The following SLC9C2 variants were observed in gnomAD, a reference collection of about 807,000 sequenced individuals.
SLC9C2 encodes solute carrier family 9 member C2 (putative).
In SLC9C2, 75 loss-of-function variants were observed where a neutral mutation model predicts 140.2. The ratio of observed to expected loss-of-function variants is 0.53; its 90% confidence interval spans 0.44 to 0.65. The LOEUF is 0.65. Among genes scored for constraint, SLC9C2 ranks in the 30% least tolerant of loss-of-function variants. The probability of loss-of-function intolerance (pLI) is 0.00; values close to 1 mark genes in which losing one functional copy is unlikely to be tolerated. For missense variants in SLC9C2, 1,074 were observed against 1,331.8 expected (o/e 0.81, Z 3.01); for synonymous variants, 375 against 420.9 (o/e 0.89, Z 1.34).
chr1:173,507,508 GCACA>G (rs148480049), intron 24 of SLC9C2, among the ~76,000 whole-genome samples: 1,341 of 128,172 alleles, frequency 0.01, 20 homozygotes, highest in African/African-American at 0.033. Context: ...GTTGAATTGT[GCACA>G]CACACACACA....
intron 14 of SLC9C2, 47 bp downstream of exon 14, chr1:173,536,895 T>G: frequency 7.9e-7 from 1 of 1,268,698 alleles, no homozygotes; most frequent in South Asian, 1.2e-5. Context: ...CTTCATCATA[T>G]AGTCATTCAA....
chr1:173,517,561 G>A lies in SLC9C2; in HGVS notation c.2883C>T (p.Thr961=), dbSNP rs200861817. The change falls in exon 23 of 28, where the codon ACC becomes ACT. Residue 961 remains threonine, a synonymous_variant. Coordinates refer to ENST00000367714, the MANE Select transcript of SLC9C2 (RefSeq NM_178527.4). ...SCLLKREIEY[T]VICETSLQAC... ...CCTGTAAACTAGTTTCACAGATGAC[G>A]GTATATTCAATTTCACGCTTAAGCA... 32 of 1,609,794 alleles carry A rather than the reference G, an allele frequency of 2.0e-5. No homozygotes were observed. The highest frequency in any genetic ancestry group is 3.3e-4 in the Middle Eastern group (2 of 6,042).
At position 173,524,808 on chromosome 1, in the gene SLC9C2, C is replaced by A; in HGVS notation, c.2485G>T (p.Asp829Tyr). The change falls in exon 20 of 28, where the codon GAT (aspartate) becomes TAT (tyrosine). Residue 829 changes from aspartate to tyrosine, a missense_variant. By Grantham distance (160) the Asp-to-Tyr change is radical. Transcript: ENST00000367714. Reference sequence around the variant, plus strand: ...TTTATCTCAATGACTTCATGCTTATCAATAATGCCTCTTGAACAAAGGAAG... The same window carrying A: ...TTTATCTCAATGACTTCATGCTTATAAATAATGCCTCTTGAACAAAGGAAG... ...LTFLCSRGII[D>Y]KHEVIEINKV... 1 of 1,613,978 alleles carries A rather than the reference C, an allele frequency of 6.2e-7. No individual in the cohort carries two copies. Among genetic ancestry groups the A allele is most frequent in the Non-Finnish European group, 8.5e-7 (1 of 1,179,936 alleles).
intron 23 of SLC9C2, among the ~76,000 whole-genome samples, chr1:173,514,745 C>T (rs1224979732): frequency 6.6e-6 from 1 of 152,026 alleles, no homozygotes; most frequent in Admixed American, 6.6e-5. Flanking sequence ...CTTCATAGTG[C>T]CATTAGTCTT....
chr1:173,572,410 G>A (rs1019421183), intron 9 of SLC9C2, among the ~76,000 whole-genome samples: 5 of 122,050 alleles, frequency 4.1e-5, no homozygotes, highest in East Asian at 3.2e-4. Flanking sequence ...AGTGCCTTGC[G>A]TTAGCAGACT....
chr1:173,526,852 T>C, intron 18 of SLC9C2, 138 bp from the exon 19 acceptor site: 1 of 673,112 alleles, frequency 1.5e-6, no homozygotes, highest in South Asian at 2.2e-5. Context: ...TTTCCTTTTA[T>C]TTTTATTTTT....
intron 9 of SLC9C2, 23 bp from the exon 10 acceptor site, chr1:173,557,531 A>G (rs2102104984): frequency 2.5e-6 from 4 of 1,590,438 alleles, no homozygotes; most frequent in Non-Finnish European, 3.4e-6. Context: ...AAACATTAAA[A>G]ATAAATCTCA....
chr1:173,545,775 T>C (rs368934866), intron 13 of SLC9C2, among the ~76,000 whole-genome samples: 4 of 152,184 alleles, frequency 2.6e-5, no homozygotes, highest in East Asian at 3.9e-4. Context: ...ACAGTAAATA[T>C]GGCCACAAAT....
intron 25 of SLC9C2, 46 bp from the exon 26 acceptor site, chr1:173,505,377 T>C (rs1294152215): frequency 2.1e-6 from 3 of 1,409,340 alleles, no homozygotes; most frequent in Non-Finnish European, 3.0e-6. Flanking sequence ...TTCTTTGATC[T>C]CTAACCTGGC....
intron 11 of SLC9C2, among the ~76,000 whole-genome samples, chr1:173,548,864 A>G (rs1663055207): frequency 6.6e-6 from 1 of 152,222 alleles, no homozygotes; most frequent in South Asian, 2.1e-4. Context: ...TAAAGTGTAC[A>G]GGTGGAAGGG....
At chr1:173,570,963 G>A (rs961862880) in intron 9 of SLC9C2, among the ~76,000 whole-genome samples, 1 of 152,128 alleles carries the variant, frequency 6.6e-6, no homozygotes, top group Non-Finnish European at 1.5e-5. Context: ...ACCCTCTTTA[G>A]TGCCTCTTTC....
At chr1:173,569,812 T>C (rs774091331) in intron 9 of SLC9C2, among the ~76,000 whole-genome samples, 1 of 152,106 alleles carries the variant, frequency 6.6e-6, no homozygotes, top group Middle Eastern at 3.2e-3. Context: ...AAAAGTAGTA[T>C]GAAAAGCCTT....
intron 13 of SLC9C2, among the ~76,000 whole-genome samples, chr1:173,547,185 G>C (rs1662910557): frequency 6.6e-6 from 1 of 151,900 alleles, no homozygotes; most frequent in Non-Finnish European, 1.5e-5. Flanking sequence ...AATTTGACAA[G>C]CTGGTATAAA....
intron 22 of SLC9C2, among the ~76,000 whole-genome samples, chr1:173,518,173 G>A (rs1487503635): frequency 1.3e-5 from 2 of 151,926 alleles, no homozygotes. Flanking sequence ...TGAGGCAGGA[G>A]GATCATTTGA....
Position 173,509,184 on chromosome 1 carries a change from C to T in SLC9C2, c.3039+384G>A, listed in dbSNP as rs2147775. Among the ~76,000 whole-genome samples, 877 of 152,248 alleles carry T rather than the reference C, an allele frequency of 5.8e-3. 4 individuals are homozygous for T. Among genetic ancestry groups the T allele is most frequent in the South Asian group, 0.012 (57 of 4,824 alleles). ...CAGGGCCAGGCACAGTGGCTCACGC[C>T]TATAATCCCAGCACTTTGGGAGGCC... On this transcript the variant is annotated intron_variant, in intron 24 of 27. Coordinates refer to ENST00000367714, the MANE Select transcript of SLC9C2 (RefSeq NM_178527.4).
intron 23 of SLC9C2, among the ~76,000 whole-genome samples, chr1:173,514,042 G>A (rs1660239690): frequency 6.6e-6 from 1 of 152,210 alleles, no homozygotes; most frequent in African/African-American, 2.4e-5. Context: ...TATGATTTCA[G>A]TTCTTTTGCA....
At chr1:173,599,987 T>A (rs1312283197) in intron 3 of SLC9C2, 130 bp downstream of exon 3, 1 of 544,508 alleles carries the variant, frequency 1.8e-6, no homozygotes, top group Non-Finnish European at 3.2e-6. Context: ...AATTTTTTAA[T>A]ACCAGATAAA....
At chr1:173,562,259 T>C (rs1664168508) in intron 9 of SLC9C2, among the ~76,000 whole-genome samples, 1 of 152,228 alleles carries the variant, frequency 6.6e-6, no homozygotes, top group Admixed American at 6.5e-5. Flanking sequence ...TACTTTTTTT[T>C]CTAATTTTGT....
chr1:173,543,075 G>C (rs1662562817), intron 13 of SLC9C2, among the ~76,000 whole-genome samples: 1 of 152,156 alleles, frequency 6.6e-6, no homozygotes, highest in African/African-American at 2.4e-5. Context: ...AATTGTCCCT[G>C]TTTGCAGATG....
Sources: gnomAD v4.1 joint callset for allele counts (sites outside exome capture counted in the v4.1 genomes callset) on GRCh38, gnomAD v4.1.1 for gene constraint, MANE v1.5 for transcripts, NCBI Gene and HGNC (gene_info 2026-07-23, HGNC 2026-07-21) for gene names.